The following ERCC6L2 variants were observed in gnomAD, a reference collection of about 807,000 sequenced individuals.
ERCC6L2 encodes the protein DNA excision repair protein ERCC-6-like 2.
Under a neutral mutation model 132.0 loss-of-function variants are expected in ERCC6L2, and 77 were observed. The observed-to-expected ratio is 0.58, with a 90% confidence interval of 0.49 to 0.71. The LOEUF (loss-of-function observed/expected upper bound fraction) is 0.71, where lower values mean the gene tolerates loss of function less well. Among genes scored for constraint, ERCC6L2 ranks in the 30% least tolerant of loss-of-function variants. The probability of loss-of-function intolerance (pLI) is 0.00; values close to 1 mark genes in which losing one functional copy is unlikely to be tolerated. For synonymous variants in ERCC6L2, 583 were observed against 632.4 expected (o/e 0.92, Z 1.17); for missense variants, 1,542 against 1,837.6 (o/e 0.84, Z 2.94).
At chr9:96,008,171 G>A (rs1833920832) in intron 18 of ERCC6L2, among the ~76,000 whole-genome samples, 2 of 152,074 alleles carry the variant, frequency 1.3e-5, no homozygotes, top group Admixed American at 6.5e-5. Flanking sequence ...AAGTTTGCAT[G>A]CGTTCTCTGT....
chr9:95,877,115 G>A (rs563411278), intron 1 of ERCC6L2: 7 of 152,272 alleles, frequency 4.6e-5, no homozygotes, highest in African/African-American at 1.7e-4. Flanking sequence ...AGTTGAGTTG[G>A]TAATTAGTTT....
intron 2 of ERCC6L2, among the ~76,000 whole-genome samples, chr9:95,883,973 T>C (rs1392650692): frequency 2.6e-5 from 4 of 152,218 alleles, no homozygotes; most frequent in South Asian, 2.1e-4. Context: ...CATTTTAGTC[T>C]CAAATTTGAA....
In ERCC6L2 at chr9:95,943,960, G is replaced by A. The variant is rs188090167; in HGVS notation, c.1847+2411G>A. Among the ~76,000 whole-genome samples, 12 of 152,274 alleles carry A rather than the reference G, an allele frequency of 7.9e-5. No individual in the cohort carries two copies. The East Asian group carries it at 2.3e-3, about 29-fold the overall frequency. On this transcript the variant is annotated intron_variant, in intron 12 of 18. Transcript: ENST00000653738. The stretch of plus-strand genomic sequence containing the variant: ...AGCTGCTGTGGAAAACAGCATGGTG[G>A]TTCCTCAAAAAATTAAACATAAAAT...
chr9:95,888,823 C>G (rs1828011068), intron 2 of ERCC6L2, among the ~76,000 whole-genome samples: 1 of 152,160 alleles, frequency 6.6e-6, no homozygotes, highest in South Asian at 2.1e-4. Flanking sequence ...TTCACATTCT[C>G]CCTTCCCTAA....
At chr9:95,933,284 T>C (rs1317660519) in intron 11 of ERCC6L2, among the ~76,000 whole-genome samples, 4 of 152,196 alleles carry the variant, frequency 2.6e-5, no homozygotes, top group Non-Finnish European at 4.4e-5. Context: ...CCCTAACTTA[T>C]CCATTTTTTT....
At chr9:95,894,216 T>TTG (rs917638224) in intron 2 of ERCC6L2, among the ~76,000 whole-genome samples, 1 of 152,154 alleles carries the variant, frequency 6.6e-6, no homozygotes, top group Non-Finnish European at 1.5e-5. Context: ...AAAACAATGA[T>TTG]TGTATGGGTA....
downstream of ERCC6L2, among the ~76,000 whole-genome samples, chr9:96,018,728 G>A (rs1834234636): frequency 6.6e-6 from 1 of 151,492 alleles, no homozygotes; most frequent in Non-Finnish European, 1.5e-5. Context: ...GCCTTTGCCT[G>A]CATTGTTTTT....
chr9:95,972,334 T>C lies in ERCC6L2; in HGVS notation c.2583T>C (p.His861=), dbSNP rs762356066. The C allele has an allele frequency of 1.0e-4, 130 of 1,289,736 alleles. 1 individual carries two copies. In the South Asian group the frequency reaches 1.6e-3, roughly 16 times the overall value. The allele number at this position is 1,289,736 out of a possible 1,614,324, so 79.9% of individuals were successfully genotyped here. A position where few individuals can be genotyped will look rare whatever the true frequency, so the allele number is the denominator to read the frequency against. ...ACATCCTAAATCCAAAAGAAAAGCA[T>C]ATTTTTTATAAAAGTGAGAAGATTT... The part of the protein sequence containing the change: ...LDNILNPKEK[H]IFYKSEKILE... The change falls in exon 16 of 19, where the codon CAT becomes CAC. Residue 861 remains histidine (H), a synonymous_variant. Transcript: ENST00000653738.
At chr9:95,953,070 G>C (rs1254707802) in intron 12 of ERCC6L2, among the ~76,000 whole-genome samples, 1 of 152,106 alleles carries the variant, frequency 6.6e-6, no homozygotes, top group Non-Finnish European at 1.5e-5. Context: ...TAGTAGCTGG[G>C]GGACTGGAGA....
chr9:95,880,907 C>A lies in ERCC6L2; in HGVS notation c.85C>A (p.Pro29Thr), dbSNP rs2132512497. The A allele has an allele frequency of 6.2e-7, 1 of 1,613,102 alleles. No homozygotes were observed. Among genetic ancestry groups the A allele is most frequent in the Admixed American group, 1.7e-5 (1 of 59,900 alleles). Residue 29 changes from proline to threonine, a missense_variant, in exon 2 of 19, where the codon CCA becomes ACA. Pro to Thr is a conservative substitution (Grantham distance 38, BLOSUM62 -1). Around this residue, in one of 4 missense-constraint regions of ERCC6L2, gnomAD observed 153 missense variants for 132.3 expected, o/e 1.16. Transcript: ENST00000653738. The stretch of plus-strand genomic sequence containing the variant: ...AGGAGAAAGATGTCTTGCCCCTTCT[C>A]CAGATAATGGAAAACTTTGTGAAGC... Reference protein sequence around the residue: ...HPGERCLAPSPDNGKLCEASI... With the variant: ...HPGERCLAPSTDNGKLCEASI...
chr9:95,946,936 T>C (rs1831093116), intron 12 of ERCC6L2, among the ~76,000 whole-genome samples: 1 of 152,216 alleles, frequency 6.6e-6, no homozygotes, highest in African/African-American at 2.4e-5. Context: ...GTGTTCTGAC[T>C]GCTCTGCTTA....
chr9:96,037,161 C>G (rs1382410240), intron 19 of ERCC6L2, among the ~76,000 whole-genome samples: 1 of 152,230 alleles, frequency 6.6e-6, no homozygotes, highest in Non-Finnish European at 1.5e-5. Context: ...CTACACTTAC[C>G]TCACTGCAGA....
chr9:95,930,047 A>T (rs779320212), intron 11 of ERCC6L2, among the ~76,000 whole-genome samples: 1 of 152,112 alleles, frequency 6.6e-6, no homozygotes, highest in Non-Finnish European at 1.5e-5. Context: ...ATCTTTTTGG[A>T]TGGCATTTTT....
chr9:95,941,359 C>G (rs942709840), intron 11 of ERCC6L2, 95 bp from the exon 12 acceptor site: 1 of 769,990 alleles, frequency 1.3e-6, no homozygotes, highest in Non-Finnish European at 2.2e-6. Flanking sequence ...CAATATCGTA[C>G]TGTTTTGGCT....
intron 7 of ERCC6L2, among the ~76,000 whole-genome samples, chr9:95,921,657 T>G (rs1829873943): frequency 6.6e-6 from 1 of 152,198 alleles, no homozygotes; most frequent in South Asian, 2.1e-4. Flanking sequence ...CATACTCTTG[T>G]ATAGGAGGCT....
intron 11 of ERCC6L2, among the ~76,000 whole-genome samples, chr9:95,933,939 T>C (rs567309257): frequency 6.6e-6 from 1 of 152,094 alleles, no homozygotes; most frequent in South Asian, 2.1e-4. Context: ...AGATGCTCAA[T>C]AAAGGTTAAT....
chr9:95,980,306 A>G (rs1832838700), intron 17 of ERCC6L2, among the ~76,000 whole-genome samples: 1 of 152,140 alleles, frequency 6.6e-6, no homozygotes, highest in Admixed American at 6.6e-5. Context: ...GAGGCCATCT[A>G]TCTCCCTCAT....
chr9:95,947,993 A>G (rs773801080), intron 12 of ERCC6L2, among the ~76,000 whole-genome samples: 16 of 152,250 alleles, frequency 1.1e-4, no homozygotes, highest in African/African-American at 3.6e-4. Context: ...CAGTAACACA[A>G]CATCCATTCT....
intron 10 of ERCC6L2, 88 bp downstream of exon 10, chr9:95,928,238 A>G: frequency 1.2e-6 from 1 of 828,130 alleles, no homozygotes; most frequent in South Asian, 1.7e-5. Flanking sequence ...GACACCTTAC[A>G]GCCACATTTT....
Sources: allele counts gnomAD v4.1 joint callset (sites outside exome capture counted in the v4.1 genomes callset), GRCh38; gene constraint gnomAD v4.1.1; regional missense constraint gnomAD v4.1.1; transcripts MANE v1.5; gene names NCBI Gene and HGNC (gene_info 2026-07-23, HGNC 2026-07-21).